Variants in COL25A1 observed in about 807,000 individuals in gnomAD.
COL25A1 encodes the protein collagen alpha-1(XXV) chain.
In COL25A1, 103 loss-of-function variants were observed where a neutral mutation model predicts 128.4. The ratio of observed to expected loss-of-function variants is 0.80; its 90% confidence interval spans 0.68 to 0.94. The LOEUF (loss-of-function observed/expected upper bound fraction) is 0.94. Ranked by LOEUF, COL25A1 falls within the 40% of genes least tolerant of loss-of-function variation. The pLI is 0.00. For synonymous variants in COL25A1, 279 were observed against 277.2 expected, an observed-to-expected ratio of 1.01 and a Z score of -0.06; for missense variants, 745 against 840.0, an observed-to-expected ratio of 0.89 and a Z score of 1.40.
rs1428007725 is a variant in COL25A1 at position 108,970,457 on chromosome 4, TTA to T, written c.492+3908_492+3909del. 9.2e-5 allele frequency among the ~76,000 whole-genome samples: 14 copies of T among 152,308 alleles called. No homozygotes were observed. In the South Asian group the frequency reaches 2.9e-3, roughly 32 times the overall value. ...CTTACTTTTAATTGACAAATACAAATTATATATATACTGTTACATATGTTGTT... is the reference window on the plus strand; with the variant it reads ...CTTACTTTTAATTGACAAATACAAATTATATATACTGTTACATATGTTGTT... On this transcript the variant is annotated intron_variant, in intron 8 of 37. Coordinates refer to ENST00000399132, the MANE Select transcript of COL25A1 (RefSeq NM_198721.4).
intron 5 of COL25A1, among the ~76,000 whole-genome samples, chr4:109,044,968 GCCA>G (rs1760291960): frequency 6.6e-6 from 1 of 152,124 alleles, no homozygotes; most frequent in African/African-American, 2.4e-5. Flanking sequence ...CCACTTATAT[GCCA>G]GTTTTCCTCC....
intron 3 of COL25A1, among the ~76,000 whole-genome samples, chr4:109,060,983 G>A (rs1031502033): frequency 6.6e-6 from 1 of 151,968 alleles, no homozygotes; most frequent in Non-Finnish European, 1.5e-5. Flanking sequence ...AAACTACTAG[G>A]TTAATCATTT....
chr4:108,973,369 G>A (rs1752104773), intron 8 of COL25A1, among the ~76,000 whole-genome samples: 1 of 152,140 alleles, frequency 6.6e-6, no homozygotes, highest in African/African-American at 2.4e-5. Context: ...AAGAACAAAA[G>A]GGAAAGTATA....
intron 3 of COL25A1, among the ~76,000 whole-genome samples, chr4:109,228,036 T>G (rs1778919742): frequency 6.6e-6 from 1 of 152,186 alleles, no homozygotes; most frequent in Non-Finnish European, 1.5e-5. Context: ...GCAGCAGGCC[T>G]GGAGTTCTGA....
intron 3 of COL25A1, among the ~76,000 whole-genome samples, chr4:109,253,891 T>C (rs1403248040): frequency 6.6e-6 from 1 of 151,956 alleles, no homozygotes; most frequent in Non-Finnish European, 1.5e-5. Flanking sequence ...ATTGAGACCA[T>C]CCTGGCTAAC....
At chr4:109,256,434 C>T (rs556310577) in intron 3 of COL25A1, among the ~76,000 whole-genome samples, 17 of 152,174 alleles carry the variant, frequency 1.1e-4, no homozygotes, top group African/African-American at 2.4e-4. Context: ...AGGCTCCTAA[C>T]GCAGCCATTT....
At chr4:109,009,023 G>A (rs1175735109) in intron 6 of COL25A1, among the ~76,000 whole-genome samples, 1 of 152,168 alleles carries the variant, frequency 6.6e-6, no homozygotes. Flanking sequence ...TTGGGTGGCT[G>A]AGACAGGAGA....
chr4:109,047,465 G>A (rs1227388210), intron 5 of COL25A1, among the ~76,000 whole-genome samples: 1 of 152,020 alleles, frequency 6.6e-6, no homozygotes. Flanking sequence ...AATGGACTTT[G>A]GGGACTCGGG....
intron 19 of COL25A1, among the ~76,000 whole-genome samples, chr4:108,878,568 G>A (rs1349779361): frequency 1.3e-5 from 2 of 152,092 alleles, no homozygotes; most frequent in African/African-American, 4.8e-5. Context: ...TGATTGATAC[G>A]TAAAATTATT....
At chr4:109,161,847 G>A (rs999199397) in intron 3 of COL25A1, among the ~76,000 whole-genome samples, 1 of 152,134 alleles carries the variant, frequency 6.6e-6, no homozygotes, top group Non-Finnish European at 1.5e-5. Context: ...TGAGATTCCC[G>A]GACCAGTTAG....
intron 3 of COL25A1, among the ~76,000 whole-genome samples, chr4:109,137,368 A>G (rs1024312130): frequency 6.6e-6 from 1 of 152,214 alleles, no homozygotes; most frequent in African/African-American, 2.4e-5. Context: ...TCTAAAGTTC[A>G]ATATCCTGTA....
At chr4:109,224,634 T>C (rs867311868) in intron 3 of COL25A1, among the ~76,000 whole-genome samples, 36 of 152,240 alleles carry the variant, frequency 2.4e-4, no homozygotes, top group South Asian at 4.1e-4. Flanking sequence ...CAAGCTGCAG[T>C]GTACCTTAAA....
chr4:108,831,687 G>GGAGAGAGA lies in COL25A1; in HGVS notation c.1710+685_1710+692dup, dbSNP rs3062875. On this transcript the variant is annotated intron_variant, in intron 32 of 37. Coordinates refer to ENST00000399132, the MANE Select transcript of COL25A1 (RefSeq NM_198721.4). ...GAGAAAAACAGAAAGAGAGAGAGGG[G>GGAGAGAGA]GAGAGAGAGAGAGAGAGAGAGAGAG... Among the ~76,000 whole-genome samples the GGAGAGAGA allele has an allele frequency of 1.2e-3, 175 of 144,294 alleles. 2 individuals carry two copies. In the East Asian group the frequency reaches 0.023, roughly 19 times the overall value. The allele number at this position is 144,294 out of a possible 152,430, so 94.7% of individuals were successfully genotyped here.
intron 8 of COL25A1, chr4:108,942,316 C>A (rs764731877): frequency 6.6e-7 from 1 of 1,511,042 alleles, no homozygotes; most frequent in South Asian, 1.2e-5. Context: ...AAACGTCACA[C>A]AGACATTTCA....
At chr4:109,088,416 A>AT (rs1764598347) in intron 3 of COL25A1, among the ~76,000 whole-genome samples, 1 of 152,204 alleles carries the variant, frequency 6.6e-6, no homozygotes, top group African/African-American at 2.4e-5. Context: ...TTTATTTTTA[A>AT]TTGTAAATTG....
chr4:109,135,037 A>C (rs1578251258), intron 3 of COL25A1, among the ~76,000 whole-genome samples: 3 of 151,646 alleles, frequency 2.0e-5, no homozygotes, highest in East Asian at 1.9e-4. Context: ...AAAAAAAAAA[A>C]AAAAAAAAAC....
At chr4:109,022,169 G>C (rs1459689001) in intron 5 of COL25A1, 5 of 453,592 alleles carry the variant, frequency 1.1e-5, no homozygotes, top group Admixed American at 9.4e-5. Context: ...TCACGGACCT[G>C]CCGATATGTG....
At position 108,952,781 on chromosome 4, in the gene COL25A1, C is replaced by T. The variant is rs373936396; in HGVS notation, c.493-11344G>A. On this transcript the variant is annotated intron_variant, in intron 8 of 37. Transcript: ENST00000399132. ...GATCAGTAGCTGACAGAGCACCTGA[C>T]ACTAAAGGGAAAACAGGCATTTCTT... Among the ~76,000 whole-genome samples the T allele has an allele frequency of 2.3e-3, 334 of 146,840 alleles. 1 individual carries two copies. Among genetic ancestry groups the T allele is most frequent in the African/African-American group, 7.9e-3 (314 of 39,914 alleles).
In COL25A1 at chr4:108,878,529, A is replaced by AC. The variant is rs1213116049; in HGVS notation, c.1020+5648_1020+5649insG. 2.8e-4 allele frequency among the ~76,000 whole-genome samples: 42 copies of AC among 152,338 alleles called. No homozygotes were observed. In the East Asian group the frequency reaches 7.9e-3, roughly 29 times the overall value. On this transcript the variant is annotated intron_variant, in intron 19 of 37. Coordinates refer to ENST00000399132, the MANE Select transcript of COL25A1 (RefSeq NM_198721.4). The stretch of plus-strand genomic sequence containing the variant: ...TTACAGTAAGAACATTTGTTGTAAT[A>AC]AGAACCACCAGGCAGCCAGTTTTGG...
Sources: gnomAD v4.1 joint callset for allele counts (sites outside exome capture counted in the v4.1 genomes callset) on GRCh38, gnomAD v4.1.1 for gene constraint, MANE v1.5 for transcripts, NCBI Gene and HGNC (gene_info 2026-07-23, HGNC 2026-07-21) for gene names.